GRIK4: variants seen among roughly 807,000 people sequenced by gnomAD.
GRIK4 encodes glutamate ionotropic receptor kainate type subunit 4.
A neutral mutation model predicts 104.9 loss-of-function variants in GRIK4; 40 were observed. The observed-to-expected ratio is 0.38, with a 90% CI of 0.30 to 0.50. The LOEUF (loss-of-function observed/expected upper bound fraction) is 0.50, where lower values mean the gene tolerates loss of function less well. GRIK4 is among the 20% of genes least tolerant of loss of function. The pLI, the probability that GRIK4 is intolerant of heterozygous loss-of-function variation, is 0.93. For synonymous variants in GRIK4, 485 were observed against 524.9 expected (o/e 0.92, Z 1.04); for missense variants, 1,047 against 1,308.1 (o/e 0.80, Z 3.08).
At chr11:120,654,864 G>A (rs973441017) in intron 2 of GRIK4, among the ~76,000 whole-genome samples, 5 of 152,046 alleles carry the variant, frequency 3.3e-5, no homozygotes, top group Non-Finnish European at 5.9e-5. Context: ...CTTACCTGTG[G>A]CAGCCAGACC....
At chr11:120,833,894 A>G (rs1039725601) in intron 7 of GRIK4, among the ~76,000 whole-genome samples, 6 of 152,120 alleles carry the variant, frequency 3.9e-5, no homozygotes, top group Non-Finnish European at 5.9e-5. Context: ...TCCCCATGTC[A>G]TTAAACATTT....
At chr11:120,785,745 G>A (rs535026552) in intron 3 of GRIK4, among the ~76,000 whole-genome samples, 24 of 152,316 alleles carry the variant, frequency 1.6e-4, no homozygotes, top group South Asian at 2.1e-4. Flanking sequence ...CAGCAGTCCC[G>A]TGACACAGGG....
chr11:120,521,943 A>G (rs1947800727), intron 1 of GRIK4, among the ~76,000 whole-genome samples: 1 of 152,182 alleles, frequency 6.6e-6, no homozygotes, highest in African/African-American at 2.4e-5. Context: ...ATCATTGAGC[A>G]CTTACCACCT....
chr11:120,763,527 GT>G (rs1414364925), intron 3 of GRIK4, among the ~76,000 whole-genome samples: 1 of 152,106 alleles, frequency 6.6e-6, no homozygotes, highest in Admixed American at 6.5e-5. Flanking sequence ...TCTTTTAATT[GT>G]GATGTTAGGG....
chr11:120,783,999 A>G (rs1952213901), intron 3 of GRIK4, among the ~76,000 whole-genome samples: 1 of 152,204 alleles, frequency 6.6e-6, no homozygotes, highest in Non-Finnish European at 1.5e-5. Context: ...CTGAGGGGAC[A>G]GGGAGCGAGG....
chr11:120,535,638 C>T (rs1457797878), intron 1 of GRIK4, among the ~76,000 whole-genome samples: 1 of 152,150 alleles, frequency 6.6e-6, no homozygotes, highest in African/African-American at 2.4e-5. Flanking sequence ...TTCTACATCC[C>T]CCACCTCACA....
intron 19 of GRIK4, among the ~76,000 whole-genome samples, chr11:120,975,298 A>C (rs1045123662): frequency 6.6e-6 from 1 of 152,154 alleles, no homozygotes; most frequent in African/African-American, 2.4e-5. Context: ...CTTTCTTCTC[A>C]TGGGATCCAG....
intron 2 of GRIK4, among the ~76,000 whole-genome samples, chr11:120,657,679 G>T (rs2135233027): frequency 6.6e-6 from 1 of 152,344 alleles, no homozygotes; most frequent in East Asian, 1.9e-4. Context: ...ACAGAGAGAG[G>T]CCCCATTCTG....
chr11:120,686,727 CT>C (rs1950282173), intron 3 of GRIK4, among the ~76,000 whole-genome samples: 1 of 152,192 alleles, frequency 6.6e-6, no homozygotes, highest in Admixed American at 6.5e-5. Context: ...TCAGATTTAC[CT>C]TGCTGATTAT....
intron 3 of GRIK4, among the ~76,000 whole-genome samples, chr11:120,684,166 AAAT>A (rs1228240595): frequency 2.6e-5 from 4 of 152,116 alleles, no homozygotes; most frequent in African/African-American, 9.7e-5. Context: ...CTCTACAAAA[AAAT>A]AAAATTAGTT....
rs553159083 is a variant in GRIK4 at position 120,649,984 on chromosome 11, T to C, written c.-158-3701T>C. Among the ~76,000 whole-genome samples, 9 of 152,314 alleles carry C rather than the reference T, an allele frequency of 5.9e-5. No homozygotes were observed. The South Asian group carries it at 1.7e-3, about 28-fold the overall frequency. ...TCATGTGGTCTTTGCCAGGAGCGCA[T>C]GTCCCCCAGGGCCCAGCCTGGTGGC... On this transcript the variant is annotated intron_variant, in intron 1 of 20. Transcript: ENST00000527524.
chr11:120,863,413 T>C (rs1954313347), intron 9 of GRIK4, among the ~76,000 whole-genome samples: 1 of 152,234 alleles, frequency 6.6e-6, no homozygotes, highest in South Asian at 2.1e-4. Flanking sequence ...GCATCTATAT[T>C]TGTGTAAGCA....
chr11:120,782,564 C>T (rs549473427), intron 3 of GRIK4, among the ~76,000 whole-genome samples: 29 of 152,318 alleles, frequency 1.9e-4, no homozygotes, highest in Non-Finnish European at 3.8e-4. Context: ...GGATTACAGG[C>T]ATGAGCCACC....
intron 1 of GRIK4, among the ~76,000 whole-genome samples, chr11:120,537,234 C>T (rs1947986753): frequency 6.6e-6 from 1 of 152,176 alleles, no homozygotes; most frequent in Admixed American, 6.5e-5. Context: ...TGCAGGATCC[C>T]TTGTCTCTTC....
At chr11:120,745,868 G>A (rs1951429855) in intron 3 of GRIK4, among the ~76,000 whole-genome samples, 1 of 152,168 alleles carries the variant, frequency 6.6e-6, no homozygotes, top group Non-Finnish European at 1.5e-5. Context: ...GTTCAGGAGG[G>A]TAGTGATGAG....
At chr11:120,983,468 C>G (rs1944685929) in intron 20 of GRIK4, among the ~76,000 whole-genome samples, 1 of 152,196 alleles carries the variant, frequency 6.6e-6, no homozygotes, top group African/African-American at 2.4e-5. Flanking sequence ...TCTACTGGGC[C>G]TTATTGGACT....
chr11:120,962,482 C>T lies in GRIK4; in HGVS notation c.2067C>T (p.Arg689=), dbSNP rs1320525864. ...ATTCCCGCTACCAGACCTACCAACG[C>T]ATGTGGAATTACATGTATTCCAAGC... The part of the protein sequence containing the change: ...FQNSRYQTYQ[R]MWNYMYSKQP... Residue 689 remains arginine, a synonymous_variant, in exon 18 of 21, where the codon CGC becomes CGT. Coordinates refer to ENST00000527524, the MANE Select transcript of GRIK4 (RefSeq NM_014619.5). 1 of 1,613,428 alleles carries T rather than the reference C, an allele frequency of 6.2e-7. No homozygotes were observed. The highest frequency in any genetic ancestry group is 1.1e-5 in the South Asian group (1 of 91,022).
intron 3 of GRIK4, among the ~76,000 whole-genome samples, chr11:120,750,830 G>A (rs1438941901): frequency 6.6e-6 from 1 of 152,164 alleles, no homozygotes; most frequent in African/African-American, 2.4e-5. Flanking sequence ...TGCTTCCATG[G>A]ACTCTTCACC....
At chr11:120,722,742 C>G (rs1950957105) in intron 3 of GRIK4, among the ~76,000 whole-genome samples, 1 of 152,204 alleles carries the variant, frequency 6.6e-6, no homozygotes, top group South Asian at 2.1e-4. Context: ...AGCAGGCCCC[C>G]TGGCTACACG....
Sources: allele counts gnomAD v4.1 joint callset (sites outside exome capture counted in the v4.1 genomes callset), GRCh38; gene constraint gnomAD v4.1.1; transcripts MANE v1.5; gene names NCBI Gene and HGNC (gene_info 2026-07-23, HGNC 2026-07-21).